The following UBAP1 variants were observed in gnomAD, a reference collection of about 807,000 sequenced individuals.
The protein encoded by UBAP1 is ubiquitin associated protein 1, also known as ubiquitin-associated protein 1.
Under a neutral mutation model 39.0 loss-of-function variants are expected in UBAP1, and 5 were observed. The observed-to-expected ratio is 0.13, with a 90% CI of 0.07 to 0.27. UBAP1 has a LOEUF of 0.27. UBAP1 is among the 10% of genes least tolerant of loss of function. The pLI is 1.00. For synonymous variants in UBAP1, 211 were observed against 225.1 expected, an observed-to-expected ratio of 0.94 and a Z score of 0.56; for missense variants, 490 against 608.1, an observed-to-expected ratio of 0.81 and a Z score of 2.04.
intron 1 of UBAP1, among the ~76,000 whole-genome samples, chr9:34,198,702 C>T (rs62556568): frequency 0.2 from 30,517 of 152,142 alleles, 3,665 homozygotes; most frequent in Non-Finnish European, 0.27. Flanking sequence ...TGGTCTAGCC[C>T]TCCCATTTCT....
At chr9:34,192,535 AAAG>A (rs1295018426) in intron 1 of UBAP1, among the ~76,000 whole-genome samples, 2 of 97,612 alleles carry the variant, frequency 2.0e-5, no homozygotes, top group African/African-American at 3.7e-5. Flanking sequence ...AAAAAAAAAA[AAAG>A]ATCTACACTT....
chr9:34,227,857 A>G (rs1833184216), intron 2 of UBAP1, among the ~76,000 whole-genome samples: 1 of 152,222 alleles, frequency 6.6e-6, no homozygotes, highest in Admixed American at 6.5e-5. Flanking sequence ...TTCTAGATAC[A>G]TTGGATAAAA....
chr9:34,226,125 G>GTGTGTGTGTGTT (rs1833064606), intron 2 of UBAP1, among the ~76,000 whole-genome samples: 3 of 139,818 alleles, frequency 2.1e-5, no homozygotes, highest in African/African-American at 7.8e-5. Context: ...GTGTGTGTGT[G>GTGTGTGTGTGTT]TGTGTGTGTG....
In UBAP1 at chr9:34,251,590, GC is replaced by G. The variant is rs982046487; in HGVS notation, c.*61del. On this transcript the variant is annotated 3_prime_UTR_variant, in exon 7 of 7. Transcript: ENST00000297661. ...CACCATCCCTGGGAGGCCCTGCAGA[GC>G]CCACCTGTGGGGAAAGAGAAGGGGC... 1.9e-6 allele frequency: 3 copies of G among 1,578,200 alleles called. No homozygotes were observed. The highest frequency in any genetic ancestry group is 2.6e-6 in the Non-Finnish European group (3 of 1,163,790).
chr9:34,203,358 CT>C (rs1433976497), intron 1 of UBAP1, among the ~76,000 whole-genome samples: 5 of 152,158 alleles, frequency 3.3e-5, no homozygotes, highest in Non-Finnish European at 7.3e-5. Flanking sequence ...ATTTCTGGTT[CT>C]TTTTTCTCTT....
intron 1 of UBAP1, among the ~76,000 whole-genome samples, chr9:34,207,996 C>T (rs2131549301): frequency 6.6e-6 from 1 of 152,250 alleles, no homozygotes; most frequent in African/African-American, 2.4e-5. Context: ...CGTGGGAATA[C>T]TTCTGTAGTC....
At chr9:34,200,740 GTCCTA>G (rs1311463764) in intron 1 of UBAP1, among the ~76,000 whole-genome samples, 1 of 152,056 alleles carries the variant, frequency 6.6e-6, no homozygotes, top group Non-Finnish European at 1.5e-5. Flanking sequence ...GTCTGTTTCT[GTCCTA>G]TCCTATCCTT....
intron 1 of UBAP1, among the ~76,000 whole-genome samples, chr9:34,192,204 G>A (rs190860662): frequency 2.4e-3 from 364 of 151,710 alleles, no homozygotes; most frequent in South Asian, 6.1e-3. Flanking sequence ...TGGCAGAACT[G>A]TGGACAGTGA....
chr9:34,182,344 C>T (rs1238988460), intron 1 of UBAP1, among the ~76,000 whole-genome samples: 2 of 151,568 alleles, frequency 1.3e-5, no homozygotes, highest in African/African-American at 2.4e-5. Flanking sequence ...ACCACCACAC[C>T]CGGCTAATTT....
rs1200549831 is a variant in UBAP1 at position 34,195,355 on chromosome 9, A to G, written c.-8+16115A>G. On this transcript the variant is annotated intron_variant, in intron 1 of 6. Coordinates refer to ENST00000297661, the MANE Select transcript of UBAP1 (RefSeq NM_016525.5). ...TTGAATTAATTATATATGACGTCAT[A>G]TGGATGGAAGATTTTTTTTGTTTGC... 3.3e-5 allele frequency among the ~76,000 whole-genome samples: 5 copies of G among 151,934 alleles called. No homozygotes were observed. In the East Asian group the frequency reaches 5.8e-4, roughly 18 times the overall value.
chr9:34,241,679 G>A lies in UBAP1; in HGVS notation c.654G>A (p.Leu218=). 1 of 1,613,976 alleles carries A rather than the reference G, an allele frequency of 6.2e-7. No homozygotes were observed. The highest frequency in any genetic ancestry group is 1.1e-5 in the South Asian group (1 of 91,072). Residue 218 remains leucine, a synonymous_variant, in exon 4 of 7, where the codon TTG becomes TTA. Coordinates refer to ENST00000297661, the MANE Select transcript of UBAP1 (RefSeq NM_016525.5). Reference sequence around the variant, plus strand: ...AGGATGAGGAGGTCCTGGCATCCTTGGAACGGGCAACCCTAGATTTCAAGC... The same window carrying A: ...AGGATGAGGAGGTCCTGGCATCCTTAGAACGGGCAACCCTAGATTTCAAGC... ...VLQDEEVLAS[L]ERATLDFKPL...
At chr9:34,219,128 G>A (rs949368834) in intron 1 of UBAP1, among the ~76,000 whole-genome samples, 10 of 150,964 alleles carry the variant, frequency 6.6e-5, no homozygotes, top group Admixed American at 2.6e-4. Flanking sequence ...TTGCTGTGTC[G>A]CCTAGGCTGG....
At chr9:34,199,286 G>C (rs1831233561) in intron 1 of UBAP1, among the ~76,000 whole-genome samples, 1 of 152,072 alleles carries the variant, frequency 6.6e-6, no homozygotes, top group African/African-American at 2.4e-5. Flanking sequence ...TATTAGCCAG[G>C]ATGGTCTCGA....
chr9:34,179,046 A>G lies in UBAP1; in HGVS notation c.-202A>G. 1 of 1,266,666 alleles carries G rather than the reference A, an allele frequency of 7.9e-7. No homozygotes were observed. Among genetic ancestry groups the G allele is most frequent in the Non-Finnish European group, 1.0e-6 (1 of 1,003,892 alleles). The allele number at this position is 1,266,666 out of a possible 1,614,324, so 78.5% of individuals were successfully genotyped here. On this transcript the variant is annotated 5_prime_UTR_variant, in exon 1 of 7. Transcript: ENST00000297661. ...GGGGCGGTGAGGGGAAGGAGGAGGG[A>G]AGTAGGACTTCAACATGGCGGCTGC...
chr9:34,205,523 C>T (rs1831636058), intron 1 of UBAP1, among the ~76,000 whole-genome samples: 1 of 152,004 alleles, frequency 6.6e-6, no homozygotes. Flanking sequence ...ATTAGTTGTA[C>T]AATTAGCTAT....
intron 2 of UBAP1, among the ~76,000 whole-genome samples, chr9:34,224,875 C>T (rs1233152421): frequency 6.6e-6 from 1 of 152,176 alleles, no homozygotes. Flanking sequence ...CACTATATGT[C>T]TCTGTGTCTG....
Position 34,241,338 on chromosome 9 carries a change from T to C in UBAP1, c.313T>C (p.Ser105Pro), listed in dbSNP as rs1308146573. 1 of 1,523,722 alleles carries C rather than the reference T, an allele frequency of 6.6e-7. No individual in the cohort carries two copies. Among genetic ancestry groups the C allele is most frequent in the Non-Finnish European group, 8.8e-7 (1 of 1,137,378 alleles). 94.4% of individuals were successfully genotyped at this position (1,523,722 alleles called of 1,614,324 possible). A position where few individuals can be genotyped will look rare whatever the true frequency, so the allele number is the denominator to read the frequency against. ...GPEGDSKMSF[S>P]KTHSTATMPP... is the part of the protein sequence containing the mutation. ...AGAGGGCGATAGCAAAATGAGCTTC[T>C]CCAAGACTCACAGTACAGCCACAAT... The change falls in exon 4 of 7, where the codon TCC (serine) becomes CCC (proline). Residue 105 changes from serine (S) to proline (P), a missense_variant. This residue lies in a region of UBAP1 where 144 missense variants were observed against 184.4 expected (regional missense o/e 0.78). Coordinates refer to ENST00000297661, the MANE Select transcript of UBAP1 (RefSeq NM_016525.5).
intron 6 of UBAP1, 106 bp from the exon 7 acceptor site, chr9:34,251,286 A>G (rs1834510284): frequency 1.6e-6 from 2 of 1,231,870 alleles, no homozygotes; most frequent in African/African-American, 3.0e-5. Flanking sequence ...GGAAGGATGT[A>G]GACATTCTGC....
At chr9:34,183,872 G>C (rs1444356705) in intron 1 of UBAP1, among the ~76,000 whole-genome samples, 1 of 151,436 alleles carries the variant, frequency 6.6e-6, no homozygotes, top group African/African-American at 2.4e-5. Context: ...CCGGGTTCAA[G>C]TGATTCTCCT....
Sources: allele counts gnomAD v4.1 joint callset (sites outside exome capture counted in the v4.1 genomes callset), GRCh38; gene constraint gnomAD v4.1.1; regional missense constraint gnomAD v4.1.1; transcripts MANE v1.5; gene names NCBI Gene and HGNC (gene_info 2026-07-23, HGNC 2026-07-21).